Variants in PTPN4 observed in about 807,000 individuals in gnomAD.
PTPN4 encodes tyrosine-protein phosphatase non-receptor type 4.
In PTPN4, 49 loss-of-function variants were observed where a neutral mutation model predicts 135.5. The observed-to-expected ratio is 0.36, with a 90% CI of 0.29 to 0.46. The LOEUF is 0.46. Among genes scored for constraint, PTPN4 ranks in the 20% least tolerant of loss-of-function variants. The pLI, the probability that PTPN4 is intolerant of heterozygous loss-of-function variation, is 1.00. For synonymous variants in PTPN4, 333 were observed against 369.9 expected, an observed-to-expected ratio of 0.90 and a Z score of 1.14; for missense variants, 860 against 1,101.0, an observed-to-expected ratio of 0.78 and a Z score of 3.10.
At chr2:119,781,376 C>T (rs1394731005) in intron 1 of PTPN4, among the ~76,000 whole-genome samples, 2 of 152,294 alleles carry the variant, frequency 1.3e-5, no homozygotes, top group Non-Finnish European at 2.9e-5. Flanking sequence ...AGTACTGCAA[C>T]CATCTCTGAT....
chr2:119,916,794 C>T (rs189366123), intron 11 of PTPN4: 1 of 152,158 alleles, frequency 6.6e-6, no homozygotes, highest in East Asian at 1.9e-4. Flanking sequence ...GCCTTCTTTC[C>T]CTTAATATTT....
chr2:119,875,369 T>C (rs963797030), intron 3 of PTPN4, among the ~76,000 whole-genome samples: 1 of 152,204 alleles, frequency 6.6e-6, no homozygotes, highest in African/African-American at 2.4e-5. Context: ...TGTATGTAAA[T>C]GTGTTTGTAT....
At chr2:119,898,496 A>G (rs906840132) in intron 9 of PTPN4, among the ~76,000 whole-genome samples, 5 of 152,172 alleles carry the variant, frequency 3.3e-5, no homozygotes, top group African/African-American at 4.8e-5. Flanking sequence ...AATAATAGGG[A>G]GCCATTCATG....
chr2:119,811,291 A>G (rs1001549716), intron 2 of PTPN4, among the ~76,000 whole-genome samples: 1 of 152,230 alleles, frequency 6.6e-6, no homozygotes, highest in African/African-American at 2.4e-5. Context: ...GTGTATTACT[A>G]TATAGCAGGA....
intron 3 of PTPN4, 21 bp downstream of exon 3, chr2:119,862,664 T>C: frequency 1.9e-6 from 3 of 1,563,418 alleles, no homozygotes. Context: ...GATTTTGTCT[T>C]TCATTTTCAT....
chr2:119,794,007 C>G (rs1691205324), intron 1 of PTPN4, among the ~76,000 whole-genome samples: 2 of 151,496 alleles, frequency 1.3e-5, no homozygotes. Context: ...CCATGCCTAG[C>G]TAATTTTTGT....
intron 22 of PTPN4, among the ~76,000 whole-genome samples, chr2:119,959,694 C>G (rs1679337347): frequency 6.6e-6 from 1 of 152,156 alleles, no homozygotes; most frequent in Non-Finnish European, 1.5e-5. Flanking sequence ...CGCTGGCAGG[C>G]TATGGGACAA....
At chr2:119,920,609 A>G (rs1026191158) in intron 12 of PTPN4, among the ~76,000 whole-genome samples, 4 of 152,204 alleles carry the variant, frequency 2.6e-5, no homozygotes, top group African/African-American at 9.6e-5. Context: ...CTAAAACTAT[A>G]TAATTATTGT....
chr2:119,762,743 G>A (rs1288182180), intron 1 of PTPN4, among the ~76,000 whole-genome samples: 8 of 152,098 alleles, frequency 5.3e-5, no homozygotes, highest in Admixed American at 5.2e-4. Context: ...AACTCCCTAG[G>A]AATGGTTATT....
At chr2:119,834,098 C>G (rs1158874897) in intron 2 of PTPN4, among the ~76,000 whole-genome samples, 1 of 152,178 alleles carries the variant, frequency 6.6e-6, no homozygotes, top group African/African-American at 2.4e-5. Flanking sequence ...ATGTTACATG[C>G]ATAGAATGTG....
At chr2:119,951,634 G>A (rs114247791) in intron 18 of PTPN4, among the ~76,000 whole-genome samples, 2 of 152,178 alleles carry the variant, frequency 1.3e-5, no homozygotes, top group African/African-American at 4.8e-5. Flanking sequence ...TTGGGGGACT[G>A]CTGTTATTTA....
At chr2:119,920,302 A>T in intron 12 of PTPN4, 61 bp downstream of exon 12, 3 of 1,489,620 alleles carry the variant, frequency 2.0e-6, no homozygotes, top group Non-Finnish European at 2.7e-6. Flanking sequence ...CTTTAAAATA[A>T]AGATGTAGTT....
chr2:119,798,878 G>A (rs1364365267), intron 1 of PTPN4, among the ~76,000 whole-genome samples: 2 of 152,174 alleles, frequency 1.3e-5, no homozygotes, highest in Admixed American at 6.5e-5. Context: ...GTAACTAGTG[G>A]AGTATGAGGC....
rs1239918806 is a variant in PTPN4, at chr2:119,981,152, G to A, written c.*4082G>A. 6.6e-6 allele frequency: 1 copy of A among 151,750 alleles called. No individual in the cohort carries two copies. The highest frequency in any genetic ancestry group is 1.5e-5 in the Non-Finnish European group (1 of 67,854). 9.4% of individuals were successfully genotyped at this position (151,750 alleles called of 1,614,324 possible). On this transcript the variant is annotated 3_prime_UTR_variant, in exon 27 of 27. Transcript: ENST00000263708. ...ATGTTTACAGGCTCTTTTATTTTGT[G>A]GTAGTTACTTTATAGTTCAGATGAA...
intron 10 of PTPN4, among the ~76,000 whole-genome samples, chr2:119,902,261 T>C (rs554958256): frequency 6.6e-6 from 1 of 152,220 alleles, no homozygotes; most frequent in South Asian, 2.1e-4. Context: ...AAGAAGAAAC[T>C]GGAGTGAAAT....
intron 3 of PTPN4, among the ~76,000 whole-genome samples, chr2:119,863,579 C>T (rs1416382157): frequency 1.3e-5 from 2 of 151,824 alleles, no homozygotes; most frequent in Admixed American, 6.6e-5. Flanking sequence ...TTTTTTCTTC[C>T]TCTCTCTCAT....
At chr2:119,771,510 C>T (rs957402732) in intron 1 of PTPN4, 1 of 152,164 alleles carries the variant, frequency 6.6e-6, no homozygotes, top group African/African-American at 2.4e-5. Context: ...TAAGCATTGC[C>T]TGCTGCCATG....
chr2:119,925,349 C>G (rs926511258), intron 12 of PTPN4, among the ~76,000 whole-genome samples: 7 of 152,228 alleles, frequency 4.6e-5, no homozygotes, highest in Admixed American at 6.5e-5. Context: ...CAGGACAGGA[C>G]TGGGCCTATG....
chr2:119,962,907 T>C, intron 24 of PTPN4, among the ~76,000 whole-genome samples, 163 bp downstream of exon 24: 1 of 152,308 alleles, frequency 6.6e-6, no homozygotes, highest in South Asian at 2.1e-4. Flanking sequence ...ATTAAGAGTA[T>C]TATCCTATTC....
Sources: gnomAD v4.1 joint callset for allele counts (sites outside exome capture counted in the v4.1 genomes callset) on GRCh38, gnomAD v4.1.1 for gene constraint, MANE v1.5 for transcripts, NCBI Gene and HGNC (gene_info 2026-07-23, HGNC 2026-07-21) for gene names.